The following FGF16 variants were observed in gnomAD, a reference collection of about 807,000 sequenced individuals.
FGF16 encodes the protein metacarpal 4-5 fusion.
In FGF16, 2 loss-of-function variants were observed where a neutral mutation model predicts 8.5. The observed-to-expected ratio is 0.24, with a 90% confidence interval of 0.10 to 0.75. The LOEUF is 0.75. Ranked by LOEUF, FGF16 falls within the 30% of genes least tolerant of loss-of-function variation. The pLI is 0.74. For synonymous variants in FGF16, 33 were observed against 34.6 expected, an observed-to-expected ratio of 0.95 and a Z score of 0.16; for missense variants, 79 against 87.4, an observed-to-expected ratio of 0.90 and a Z score of 0.38.
chrX:77,454,289 T>TG (rs2062566492), intron 2 of FGF16, 29 bp downstream of exon 2: 2 of 817,704 alleles, frequency 2.4e-6, no homozygotes, highest in East Asian at 3.6e-5. Flanking sequence ...TTTTTTTTTT[T>TG]TTTTTTTTTT....
Position 77,447,818 on chromosome X carries a change from C to T in FGF16, c.144C>T (p.Gly48=), listed in dbSNP as rs1000164355. The T allele has an allele frequency of 1.9e-4, 56 of 297,096 alleles. No homozygotes were observed. Among genetic ancestry groups the T allele is most frequent in the South Asian group, 1.8e-3 (9 of 4,958 alleles). 24.5% of individuals were successfully genotyped at this position (297,096 alleles called of 1,213,427 possible). A position where few individuals can be genotyped will look rare whatever the true frequency, so the allele number is the denominator to read the frequency against. Residue 48 remains glycine, a synonymous_variant, in exon 1 of 3, where the codon GGC becomes GGT. Transcript: ENST00000439435. ...LGQIEGKLQR[G]SPTDFAHLKG... ...AAATCGAGGGGAAGCTGCAGCGTGGCTCACCCACAGACTTCGCCCACCTAA... is the reference window on the plus strand; with the variant it reads ...AAATCGAGGGGAAGCTGCAGCGTGGTTCACCCACAGACTTCGCCCACCTAA...
At chrX:77,456,179 T>G in intron 2 of FGF16, 98 bp from the exon 3 acceptor site, 1 of 811,952 alleles carries the variant, frequency 1.2e-6, no homozygotes, top group South Asian at 2.4e-5. Flanking sequence ...TTTTCTAACA[T>G]CAATGTGCTA....
At chrX:77,449,830 G>T (rs2062551914) in intron 1 of FGF16, among the ~76,000 whole-genome samples, 1 of 111,589 alleles carries the variant, frequency 9.0e-6, no homozygotes. Flanking sequence ...CTGCTTAACT[G>T]ACTGCTTCAT....
At position 77,454,280 on chromosome X, in the gene FGF16, T is replaced by G. The variant is rs1557026892; in HGVS notation, c.378+20T>G. On this transcript the variant is annotated intron_variant, in intron 2 of 2. Transcript: ENST00000439435. ...GGGTCGGTAAGTTTAAGGTTTTTTT[T>G]TTTTTTTTTTTTTTTTTTTTTTGGT... 48 of 759,122 alleles carry G rather than the reference T, an allele frequency of 6.3e-5. No homozygotes were observed. Among genetic ancestry groups the G allele is most frequent in the African/African-American group, 4.1e-4 (16 of 39,290 alleles). 62.6% of individuals were successfully genotyped at this position (759,122 alleles called of 1,213,427 possible). A position where few individuals can be genotyped will look rare whatever the true frequency, so the allele number is the denominator to read the frequency against.
At chrX:77,454,291 T>G in intron 2 of FGF16, 31 bp downstream of exon 2, 2 of 822,543 alleles carry the variant, frequency 2.4e-6, no homozygotes, top group Non-Finnish European at 3.3e-6. Flanking sequence ...TTTTTTTTTT[T>G]TTTTTTTTTT....
chrX:77,454,240 CGAG>C lies in FGF16; in HGVS notation c.362_364del (p.Gly121del), dbSNP rs2062565680. 1 of 735,674 alleles carries C rather than the reference CGAG, an allele frequency of 1.4e-6. No individual in the cohort carries two copies. The highest frequency in any genetic ancestry group is 2.6e-5 in the African/African-American group (1 of 38,314). The allele number at this position is 735,674 out of a possible 1,213,427, so 60.6% of individuals were successfully genotyped here. A position where few individuals can be genotyped will look rare whatever the true frequency, so the allele number is the denominator to read the frequency against. The stretch of plus-strand genomic sequence containing the variant: ...TGGCCTGTACCTAGGAATGAATGAG[CGAG>C]GAGAACTCTATGGGTCGGTAAGTTT... On this transcript the variant is annotated inframe_deletion, in exon 2 of 3. Transcript: ENST00000439435.
chrX:77,452,279 C>T (rs1569510556), intron 1 of FGF16, among the ~76,000 whole-genome samples: 1 of 112,457 alleles, frequency 8.9e-6, no homozygotes, highest in African/African-American at 3.2e-5. Flanking sequence ...TGTTCTCTTA[C>T]AAGTCATTTA....
At chrX:77,454,072 C>A in intron 1 of FGF16, 85 bp from the exon 2 acceptor site, 1 of 630,058 alleles carries the variant, frequency 1.6e-6, no homozygotes. Flanking sequence ...CAGTTGGGGA[C>A]AAATGACTGG....
chrX:77,455,763 G>A (rs1025085638), intron 2 of FGF16, among the ~76,000 whole-genome samples: 1 of 111,967 alleles, frequency 8.9e-6, no homozygotes, highest in Admixed American at 9.5e-5. Context: ...AGCCAGATTG[G>A]AAGAGCTTTT....
At chrX:77,453,772 C>A (rs902360662) in intron 1 of FGF16, among the ~76,000 whole-genome samples, 3 of 111,720 alleles carry the variant, frequency 2.7e-5, no homozygotes, top group Admixed American at 9.5e-5. Context: ...AGGGAGGTTA[C>A]AGGGAAAGAT....
chrX:77,448,980 C>T (rs2062549222), intron 1 of FGF16, among the ~76,000 whole-genome samples: 1 of 111,268 alleles, frequency 9.0e-6, no homozygotes, highest in Admixed American at 9.5e-5. Context: ...TTTCCCCAAG[C>T]CAGTAAGATG....
chrX:77,449,432 C>T (rs1557026503), intron 1 of FGF16, among the ~76,000 whole-genome samples: 1 of 110,624 alleles, frequency 9.0e-6, no homozygotes, highest in African/African-American at 3.3e-5. Context: ...CCTTTTGTTC[C>T]TCTTCTTAAG....
Position 77,447,525 on chromosome X carries a change from C to A in FGF16, c.-150C>A. On this transcript the variant is annotated 5_prime_UTR_variant, in exon 1 of 3. It adds an upstream start codon to the 5' untranslated region. Coordinates refer to ENST00000439435, the MANE Select transcript of FGF16 (RefSeq NM_003868.3). ...TTCCTTGGACGCGAACAGACGTCGA[C>A]TGCAGCTCGGCAGAGCGCGGAGCAA... The A allele has an allele frequency of 3.5e-6, 1 of 284,058 alleles. No individual in the cohort carries two copies. Among genetic ancestry groups the A allele is most frequent in the Non-Finnish European group, 6.2e-6 (1 of 161,739 alleles). The allele number at this position is 284,058 out of a possible 1,213,427, so 23.4% of individuals were successfully genotyped here. A position where few individuals can be genotyped will look rare whatever the true frequency, so the allele number is the denominator to read the frequency against.
intron 2 of FGF16, among the ~76,000 whole-genome samples, chrX:77,455,136 C>T (rs1281823685): frequency 8.9e-6 from 1 of 111,932 alleles, no homozygotes; most frequent in East Asian, 2.8e-4. Flanking sequence ...TGTGATTTTG[C>T]CTTTTTCATT....
At chrX:77,454,375 G>A in intron 2 of FGF16, 115 bp downstream of exon 2, 1 of 440,555 alleles carries the variant, frequency 2.3e-6, no homozygotes, top group Non-Finnish European at 3.6e-6. Context: ...TGGGGACCAG[G>A]CATGGTGGCT....
At position 77,457,160 on chromosome X, in the gene FGF16, T is replaced by G. The variant is rs1193884113; in HGVS notation, c.*638T>G. 8.9e-6 allele frequency: 1 copy of G among 112,235 alleles called. No homozygotes were observed. The highest frequency in any genetic ancestry group is 1.9e-5 in the Non-Finnish European group (1 of 53,260). The allele number at this position is 112,235 out of a possible 1,213,427, so 9.2% of individuals were successfully genotyped here. ...TATTTATTTCAAAATAATAATTTTA[T>G]TTTTAATGAGAGATGCGATGGCTGG... On this transcript the variant is annotated 3_prime_UTR_variant, in exon 3 of 3. Transcript: ENST00000439435.
intron 1 of FGF16, among the ~76,000 whole-genome samples, chrX:77,451,423 G>T (rs781939928): frequency 8.9e-6 from 1 of 112,268 alleles, no homozygotes; most frequent in East Asian, 2.8e-4. Flanking sequence ...AAGAACTAAA[G>T]GCTCCCACGT....
intron 1 of FGF16, 132 bp downstream of exon 1, chrX:77,448,080 G>T (rs1266213917): frequency 3.4e-6 from 1 of 296,214 alleles, no homozygotes; most frequent in Non-Finnish European, 5.9e-6. Context: ...GGCGAGACAC[G>T]ACGGCGCGGT....
intron 2 of FGF16, among the ~76,000 whole-genome samples, chrX:77,454,790 CTTTT>C (rs782722552): frequency 1.2e-5 from 1 of 81,148 alleles, no homozygotes. Flanking sequence ...CCAAAACAAG[CTTTT>C]TTTTTTTTTT....
Sources: allele counts gnomAD v4.1 joint callset (sites outside exome capture counted in the v4.1 genomes callset), GRCh38; gene constraint gnomAD v4.1.1; transcripts MANE v1.5; gene names NCBI Gene and HGNC (gene_info 2026-07-23, HGNC 2026-07-21).